TMEM87A: variants seen among roughly 807,000 people sequenced by gnomAD.
TMEM87A encodes the protein Golgi-pH regulating cation channel.
Under a neutral mutation model 90.0 loss-of-function variants are expected in TMEM87A, and 50 were observed. The ratio of observed to expected loss-of-function variants is 0.56; its 90% CI spans 0.44 to 0.70. TMEM87A has a LOEUF of 0.70. TMEM87A is among the 30% of genes least tolerant of loss of function. TMEM87A has a pLI of 0.00. For missense variants in TMEM87A, 577 were observed against 660.5 expected (o/e 0.87, Z 1.39); for synonymous variants, 226 against 226.7 (o/e 1.00, Z 0.03).
At chr15:42,228,885 GTTTC>G (rs1251739288) in intron 12 of TMEM87A, 65 bp from the exon 13 acceptor site, 5 of 1,227,204 alleles carry the variant, frequency 4.1e-6, no homozygotes, top group Admixed American at 2.3e-5. Flanking sequence ...TAGTTTTCAG[GTTTC>G]TTTAAGGATC....
chr15:42,265,467 CT>C (rs902506803), intron 3 of TMEM87A, among the ~76,000 whole-genome samples: 3,565 of 146,938 alleles, frequency 0.024, 42 homozygotes, highest in Non-Finnish European at 0.034. Context: ...CGATACTGAG[CT>C]TTTTTTTTTT....
At chr15:42,264,327 G>A in intron 3 of TMEM87A, 124 bp from the exon 4 acceptor site, 1 of 631,656 alleles carries the variant, frequency 1.6e-6, no homozygotes, top group East Asian at 2.7e-5. Flanking sequence ...TTTTAAAAAT[G>A]AACAGCATCA....
intron 10 of TMEM87A, among the ~76,000 whole-genome samples, chr15:42,234,753 T>C (rs1045816421): frequency 1.3e-5 from 2 of 152,164 alleles, no homozygotes; most frequent in African/African-American, 2.4e-5. Context: ...TAGGCTTTTG[T>C]CCCTATCTCT....
chr15:42,273,487 A>T (rs2051607731), upstream of TMEM87A: 2 of 1,566,882 alleles, frequency 1.3e-6, no homozygotes, highest in Non-Finnish European at 1.7e-6. Flanking sequence ...GGGCGGGATT[A>T]TCCGGGTCCT....
At chr15:42,228,588 G>A (rs2050635711) in intron 13 of TMEM87A, 124 bp downstream of exon 13, 4 of 748,616 alleles carry the variant, frequency 5.3e-6, no homozygotes, top group Non-Finnish European at 6.8e-6. Flanking sequence ...TTTGACAAGA[G>A]CTAAGAACCC....
intron 2 of TMEM87A, among the ~76,000 whole-genome samples, chr15:42,269,482 G>T (rs1047571507): frequency 1.3e-5 from 2 of 151,984 alleles, no homozygotes; most frequent in African/African-American, 4.8e-5. Context: ...AAGCAATTGG[G>T]CTATGAACTA....
chr15:42,233,076 A>G (rs2050713211), intron 11 of TMEM87A, 137 bp downstream of exon 11: 1 of 628,864 alleles, frequency 1.6e-6, no homozygotes, highest in East Asian at 2.8e-5. Flanking sequence ...TGAACTATAC[A>G]TATATTTTGA....
At chr15:42,226,664 A>C in intron 15 of TMEM87A, 142 bp downstream of exon 15, 1 of 708,516 alleles carries the variant, frequency 1.4e-6, no homozygotes, top group South Asian at 1.8e-5. Flanking sequence ...GAGAGCTGAG[A>C]TAGGAACCCA....
intron 16 of TMEM87A, 60 bp downstream of exon 16, chr15:42,220,002 C>T: frequency 7.1e-7 from 1 of 1,417,574 alleles, no homozygotes; most frequent in Non-Finnish European, 9.7e-7. Flanking sequence ...AAATAATAAA[C>T]AATGTACTTA....
intron 6 of TMEM87A, among the ~76,000 whole-genome samples, chr15:42,255,586 G>A (rs1483630548): frequency 6.6e-6 from 1 of 151,950 alleles, no homozygotes; most frequent in African/African-American, 2.4e-5. Flanking sequence ...ACTCAATTCT[G>A]TTGTGAACCT....
chr15:42,226,279 C>T (rs555978385), intron 15 of TMEM87A, among the ~76,000 whole-genome samples: 3 of 151,190 alleles, frequency 2.0e-5, no homozygotes, highest in African/African-American at 2.4e-5. Flanking sequence ...GAATTACAGG[C>T]GTGAGCCACC....
chr15:42,261,636 T>TG (rs1475426558), intron 4 of TMEM87A, among the ~76,000 whole-genome samples: 2 of 34,410 alleles, frequency 5.8e-5, no homozygotes, highest in African/African-American at 1.2e-4. Flanking sequence ...AACCTAATAT[T>TG]CTTTTTTTTT....
chr15:42,241,029 T>A (rs897983178), intron 7 of TMEM87A, among the ~76,000 whole-genome samples: 2 of 152,214 alleles, frequency 1.3e-5, no homozygotes, highest in Admixed American at 6.5e-5. Context: ...CACAGCCACA[T>A]CCACTCATTT....
intron 19 of TMEM87A, among the ~76,000 whole-genome samples, chr15:42,212,003 G>A (rs564144622): frequency 1.4e-5 from 2 of 147,200 alleles, no homozygotes; most frequent in African/African-American, 5.3e-5. Context: ...TATAGAGTCA[G>A]CTAAGATCTT....
Position 42,273,306 on chromosome 15 carries a change from C to G in TMEM87A, c.93G>C (p.Pro31=). The part of the protein sequence containing the change: ...PSPLSFFSAG[P]ATVAAADRSK... ...ACCGGTCGGCAGCAGCTACGGTTGC[C>G]GGTCCCGCACTGAAAAACGACAGTG... The change falls in exon 1 of 20, where the codon CCG becomes CCC. Residue 31 remains proline (P), a synonymous_variant. Coordinates refer to ENST00000389834, the MANE Select transcript of TMEM87A (RefSeq NM_015497.5). The G allele has an allele frequency of 1.2e-6, 2 of 1,614,138 alleles. No homozygotes were observed. The highest frequency in any genetic ancestry group is 3.3e-5 in the Admixed American group (2 of 60,014).
chr15:42,213,872 G>T (rs1293981330), intron 19 of TMEM87A, among the ~76,000 whole-genome samples: 1 of 152,072 alleles, frequency 6.6e-6, no homozygotes, highest in East Asian at 1.9e-4. Context: ...AACAAAGGAA[G>T]AAGATAAATC....
At chr15:42,264,557 TAAGA>T (rs60087596) in intron 3 of TMEM87A, among the ~76,000 whole-genome samples, 15,661 of 151,760 alleles carry the variant, frequency 0.1, 1,161 homozygotes, top group Admixed American at 0.19. Context: ...GCTCATAAGC[TAAGA>T]TAGAGCAGAA....
chr15:42,235,543 C>T (rs1351607117), intron 10 of TMEM87A, among the ~76,000 whole-genome samples: 1 of 152,190 alleles, frequency 6.6e-6, no homozygotes, highest in Non-Finnish European at 1.5e-5. Context: ...CAATTGGCAT[C>T]ATCCTTAATT....
At chr15:42,241,586 C>T (rs2140948075) in intron 7 of TMEM87A, among the ~76,000 whole-genome samples, 1 of 152,152 alleles carries the variant, frequency 6.6e-6, no homozygotes, top group East Asian at 1.9e-4. Flanking sequence ...ATTTTATAGG[C>T]AATGGGGAGC....
Sources: allele counts gnomAD v4.1 joint callset (sites outside exome capture counted in the v4.1 genomes callset), GRCh38; gene constraint gnomAD v4.1.1; transcripts MANE v1.5; gene names NCBI Gene and HGNC (gene_info 2026-07-23, HGNC 2026-07-21).